DNAJA4: variants seen among roughly 807,000 people sequenced by gnomAD.
DNAJA4 encodes DnaJ heat shock protein family (Hsp40) member A4.
DNAJA4 carries 32 observed loss-of-function variants against 39.7 expected under a neutral mutation model. The ratio of observed to expected loss-of-function variants is 0.81; its 90% confidence interval spans 0.61 to 1.08. DNAJA4 has a LOEUF of 1.08. Among genes scored for constraint, DNAJA4 ranks in the 50% least tolerant of loss-of-function variants. DNAJA4 has a pLI of 0.00. For missense variants in DNAJA4, 439 were observed against 505.1 expected (o/e 0.87, Z 1.25); for synonymous variants, 184 against 182.4 (o/e 1.01, Z -0.07).
rs956822895 is a variant in DNAJA4, at chr15:78,280,701, T to G, written c.*241T>G. 30 of 435,020 alleles carry G rather than the reference T, an allele frequency of 6.9e-5. No individual in the cohort carries two copies. In the South Asian group the frequency reaches 1.2e-3, roughly 17 times the overall value. 26.9% of individuals were successfully genotyped at this position (435,020 alleles called of 1,614,324 possible). A position where few individuals can be genotyped will look rare whatever the true frequency, so the allele number is the denominator to read the frequency against. On this transcript the variant is annotated 3_prime_UTR_variant, in exon 7 of 7. Transcript: ENST00000394852. ...TAGTCTGCATATGGAATCTGTTCAT[T>G]TCTATTTTCAGGATATACTTTTGAG...
Position 78,277,765 on chromosome 15 carries a change from C to A in DNAJA4, c.877+2037C>A, listed in dbSNP as rs962540198. 33 of 324,336 alleles carry A rather than the reference C, an allele frequency of 1.0e-4. 1 individual carries two copies. The highest frequency in any genetic ancestry group is 7.9e-4 in the South Asian group (30 of 37,988). The allele number at this position is 324,336 out of a possible 1,614,324, so 20.1% of individuals were successfully genotyped here. A position where few individuals can be genotyped will look rare whatever the true frequency, so the allele number is the denominator to read the frequency against. On this transcript the variant is annotated intron_variant, in intron 5 of 6. Coordinates refer to ENST00000394852, the MANE Select transcript of DNAJA4 (RefSeq NM_001130182.2). ...CTCAGCTGACCCCAGCCTAGGGAGC[C>A]GGGAGCCAAATGGAGTGAGGGTGGT...
Position 78,280,497 on chromosome 15 carries a change from CAT to C in DNAJA4, c.*38_*39del. 6.6e-7 allele frequency: 1 copy of C among 1,526,456 alleles called. No homozygotes were observed. The highest frequency in any genetic ancestry group is 8.9e-7 in the Non-Finnish European group (1 of 1,121,498). 94.6% of individuals were successfully genotyped at this position (1,526,456 alleles called of 1,614,324 possible). A position where few individuals can be genotyped will look rare whatever the true frequency, so the allele number is the denominator to read the frequency against. On this transcript the variant is annotated 3_prime_UTR_variant, in exon 7 of 7. Coordinates refer to ENST00000394852, the MANE Select transcript of DNAJA4 (RefSeq NM_001130182.2). ...GCAGCGTGGCCCCACCGGACTAGCA[CAT>C]GATGAATGTAAAGTTGGCACAATGA...
intron 5 of DNAJA4, among the ~76,000 whole-genome samples, 177 bp downstream of exon 5, chr15:78,275,905 C>T (rs1395913775): frequency 1.3e-5 from 2 of 152,130 alleles, no homozygotes; most frequent in Non-Finnish European, 2.9e-5. Context: ...GGGCATCTGT[C>T]GCCTTGAGTA....
chr15:78,272,604 T>C (rs1051333076), intron 2 of DNAJA4, among the ~76,000 whole-genome samples: 5 of 152,296 alleles, frequency 3.3e-5, no homozygotes, highest in Non-Finnish European at 7.4e-5. Context: ...AAGCAAGATT[T>C]TGGCAGAGGA....
intron 4 of DNAJA4, 70 bp from the exon 5 acceptor site, chr15:78,275,425 CCTT>C: frequency 1.6e-6 from 2 of 1,259,662 alleles, no homozygotes; most frequent in Non-Finnish European, 2.3e-6. Flanking sequence ...GGACTCTGTT[CCTT>C]CTTCAAAAGC....
chr15:78,279,069 C>CT lies in DNAJA4; in HGVS notation c.878-975dup, dbSNP rs1165159011. On this transcript the variant is annotated intron_variant, in intron 5 of 6. Transcript: ENST00000394852. This position sits in a 1 kb window ranked among gnomAD's most constrained non-coding sequence, Gnocchi z 4.5. ...TGCTGTCCTGCACAGTCAGTAGGCT[C>CT]TGAAGGCCATGTCTGAACCACAGCC... The CT allele has an allele frequency of 6.6e-6, 1 of 152,124 alleles. No individual in the cohort carries two copies. The highest frequency in any genetic ancestry group is 1.5e-5 in the Non-Finnish European group (1 of 68,048). 9.4% of individuals were successfully genotyped at this position (152,124 alleles called of 1,614,324 possible).
At chr15:78,273,019 A>C (rs1451342815) in intron 2 of DNAJA4, 76 bp from the exon 3 acceptor site, 5 of 858,372 alleles carry the variant, frequency 5.8e-6, no homozygotes, top group Non-Finnish European at 9.7e-6. Context: ...TCATACAACT[A>C]AGGGTCATAT....
At chr15:78,273,977 A>G (rs2049373575) in intron 3 of DNAJA4, among the ~76,000 whole-genome samples, 2 of 152,246 alleles carry the variant, frequency 1.3e-5, no homozygotes, top group African/African-American at 4.8e-5. Flanking sequence ...GGATTGGTGC[A>G]GCCAAAATCA....
chr15:78,272,544 G>A (rs2049330945), intron 2 of DNAJA4, among the ~76,000 whole-genome samples: 1 of 152,196 alleles, frequency 6.6e-6, no homozygotes, highest in Non-Finnish European at 1.5e-5. Flanking sequence ...GGCAGGTGCT[G>A]GAGCACACCC....
At chr15:78,280,015 C>T (rs769352153) in intron 5 of DNAJA4, 30 bp from the exon 6 acceptor site, 5 of 1,610,698 alleles carry the variant, frequency 3.1e-6, no homozygotes, top group South Asian at 2.2e-5. Context: ...CTCTGCCTTC[C>T]TCCTTCCTAA....
intron 1 of DNAJA4, chr15:78,265,684 G>A (rs2049103120): frequency 1.4e-6 from 1 of 700,970 alleles, no homozygotes; most frequent in Non-Finnish European, 2.6e-6. Flanking sequence ...CTGAATAGGT[G>A]AATTGAAGGA....
At chr15:78,265,415 G>T in intron 1 of DNAJA4, 1 of 697,124 alleles carries the variant, frequency 1.4e-6, no homozygotes, top group Non-Finnish European at 2.6e-6. Flanking sequence ...GATTTGTTCT[G>T]TGCACCTACT....
At position 78,264,801 on chromosome 15, in the gene DNAJA4, T is replaced by C. The variant is rs1263974786; in HGVS notation, c.38T>C (p.Val13Ala). 6.2e-7 allele frequency: 1 copy of C among 1,609,244 alleles called. No individual in the cohort carries two copies. The highest frequency in any genetic ancestry group is 8.5e-7 in the Non-Finnish European group (1 of 1,177,712). Residue 13 changes from valine (V) to alanine (A), a missense_variant, in exon 1 of 7, where the codon GTG becomes GCG. Coordinates refer to ENST00000394852, the MANE Select transcript of DNAJA4 (RefSeq NM_001130182.2). ...ACCCAGTACTATGACATCCTGGGCG[T>C]GAAGCCCAGCGCGTCCCCGGAGGAG... is the stretch of plus-strand genomic sequence containing the variant. The part of the protein sequence containing the change: ...KETQYYDILG[V>A]KPSASPEEIK...
Position 78,281,735 on chromosome 15 carries a change from C to T in DNAJA4, c.*1275C>T, listed in dbSNP as rs2049664501. The T allele has an allele frequency of 6.6e-6, 1 of 152,210 alleles. No homozygotes were observed. The highest frequency in any genetic ancestry group is 2.4e-5 in the African/African-American group (1 of 41,450). The allele number at this position is 152,210 out of a possible 1,614,324, so 9.4% of individuals were successfully genotyped here. On this transcript the variant is annotated 3_prime_UTR_variant, in exon 7 of 7. Coordinates refer to ENST00000394852, the MANE Select transcript of DNAJA4 (RefSeq NM_001130182.2). ...GCAGAGGCCACCTGTCAGATCTACCCTACCCTTATTTGGTTACATGGCACC... is the reference window on the plus strand; with the variant it reads ...GCAGAGGCCACCTGTCAGATCTACCTTACCCTTATTTGGTTACATGGCACC...
At position 78,275,590 on chromosome 15, in the gene DNAJA4, A is replaced by G. The variant is rs988620503; in HGVS notation, c.739A>G (p.Lys247Glu). 2 of 1,614,178 alleles carry G rather than the reference A, an allele frequency of 1.2e-6. No homozygotes were observed. Among genetic ancestry groups the G allele is most frequent in the Non-Finnish European group, 1.7e-6 (2 of 1,180,000 alleles). The change falls in exon 5 of 7, where the codon AAG becomes GAG. Residue 247 changes from lysine to glutamate, a missense_variant. Lys to Glu is a moderately conservative substitution (Grantham distance 56). Coordinates refer to ENST00000394852, the MANE Select transcript of DNAJA4 (RefSeq NM_001130182.2). ...PGDVIIVLDQ[K>E]DHSVFQRRGH... The stretch of plus-strand genomic sequence containing the variant: ...TGATGTCATAATTGTGCTTGATCAG[A>G]AGGATCATAGTGTCTTTCAGAGACG...
chr15:78,264,235 C>A, upstream of DNAJA4: 2 of 1,080,240 alleles, frequency 1.9e-6, no homozygotes, highest in Non-Finnish European at 2.4e-6. Flanking sequence ...CACGGAAGGG[C>A]AAGGGGGCGG....
chr15:78,275,177 C>T (rs780777390), intron 4 of DNAJA4: 1 of 336,730 alleles, frequency 3.0e-6, no homozygotes, highest in Admixed American at 4.3e-5. Flanking sequence ...GCACCCTGTG[C>T]CCCGGGAAGT....
At chr15:78,265,827 C>G (rs2049106983) in intron 1 of DNAJA4, 1 of 613,226 alleles carries the variant, frequency 1.6e-6, no homozygotes, top group Admixed American at 2.8e-5. Flanking sequence ...AGCAGTGTCA[C>G]TTGGGCCACG....
intron 5 of DNAJA4, among the ~76,000 whole-genome samples, chr15:78,278,572 G>A (rs549851888): frequency 6.6e-6 from 1 of 152,206 alleles, no homozygotes; most frequent in East Asian, 1.9e-4. Flanking sequence ...CATAGGAAAG[G>A]TGCAGTAAAA....
Sources: allele counts gnomAD v4.1 joint callset (sites outside exome capture counted in the v4.1 genomes callset), GRCh38; gene constraint gnomAD v4.1.1; non-coding constraint Gnocchi (gnomAD v3.1); transcripts MANE v1.5; gene names NCBI Gene and HGNC (gene_info 2026-07-23, HGNC 2026-07-21).